Variants in ACTL8 observed in about 807,000 individuals in gnomAD.
The protein encoded by ACTL8 is actin like 8.
A neutral mutation model predicts 9.3 loss-of-function variants in ACTL8; 3 were observed. The ratio of observed to expected loss-of-function variants is 0.32; its 90% CI spans 0.15 to 0.83. The LOEUF is 0.83. ACTL8 is among the 40% of genes least tolerant of loss of function. The pLI is 0.57. For missense variants in ACTL8, 381 were observed against 492.2 expected (o/e 0.77, Z 2.14); for synonymous variants, 224 against 205.9 (o/e 1.09, Z -0.75).
chr1:17,802,023 G>A (rs188267258), intron 1 of ACTL8, among the ~76,000 whole-genome samples: 2 of 152,292 alleles, frequency 1.3e-5, no homozygotes, highest in East Asian at 1.9e-4. Flanking sequence ...CTGCTAATTC[G>A]TATACCTCTA....
chr1:17,768,809 T>C (rs953828982), intron 1 of ACTL8, among the ~76,000 whole-genome samples: 2 of 151,490 alleles, frequency 1.3e-5, no homozygotes, highest in African/African-American at 4.9e-5. Flanking sequence ...TGCTAGGGAG[T>C]GGGGAGTGAG....
At chr1:17,800,108 A>G (rs1269454322) in intron 1 of ACTL8, among the ~76,000 whole-genome samples, 11 of 152,190 alleles carry the variant, frequency 7.2e-5, no homozygotes, top group Admixed American at 7.2e-4. Flanking sequence ...TATTGACCAT[A>G]TTCTCTAAAA....
chr1:17,757,377 G>A (rs533176438), intron 1 of ACTL8, among the ~76,000 whole-genome samples: 1 of 152,266 alleles, frequency 6.6e-6, no homozygotes, highest in South Asian at 2.1e-4. Flanking sequence ...ACAAATTAGG[G>A]CATGAATCGT....
intron 1 of ACTL8, among the ~76,000 whole-genome samples, chr1:17,764,975 C>A (rs2066033819): frequency 6.6e-6 from 1 of 152,216 alleles, no homozygotes; most frequent in African/African-American, 2.4e-5. Context: ...ATGTTGGAAT[C>A]CACCCAGGTA....
intron 1 of ACTL8, among the ~76,000 whole-genome samples, chr1:17,802,424 C>CGTGTGTGTGTGTGTGTGTGTGTGT (rs72387933): frequency 5.8e-4 from 85 of 146,690 alleles, no homozygotes; most frequent in African/African-American, 2.0e-3. Context: ...ACTGTGCGTG[C>CGTGTGTGTGTGTGTGTGTGTGTGT]GTGTGTGTGT....
chr1:17,766,848 A>G (rs2066048100), intron 1 of ACTL8, among the ~76,000 whole-genome samples: 1 of 152,152 alleles, frequency 6.6e-6, no homozygotes, highest in South Asian at 2.1e-4. Context: ...TCATTTGTTC[A>G]TTCATTCCTA....
At chr1:17,812,850 C>T (rs1327646363) in intron 1 of ACTL8, among the ~76,000 whole-genome samples, 1 of 152,088 alleles carries the variant, frequency 6.6e-6, no homozygotes, top group African/African-American at 2.4e-5. Flanking sequence ...GTTTTAAGCA[C>T]ATTTAATGTT....
chr1:17,779,860 T>G (rs1044253545), intron 1 of ACTL8, among the ~76,000 whole-genome samples: 2 of 152,176 alleles, frequency 1.3e-5, no homozygotes, highest in Non-Finnish European at 2.9e-5. Flanking sequence ...GAGGGAGACC[T>G]GGCTAGGGGT....
At chr1:17,781,304 G>A (rs1211694959) in intron 1 of ACTL8, among the ~76,000 whole-genome samples, 3 of 150,274 alleles carry the variant, frequency 2.0e-5, no homozygotes, top group African/African-American at 7.4e-5. Context: ...ACACTGGTGC[G>A]ATCTCAGCTT....
At chr1:17,802,998 A>G (rs929167625) in intron 1 of ACTL8, among the ~76,000 whole-genome samples, 1 of 152,160 alleles carries the variant, frequency 6.6e-6, no homozygotes, top group Non-Finnish European at 1.5e-5. Context: ...TAAAAATAAA[A>G]TAACAAACAG....
chr1:17,810,319 A>G (rs181844347), intron 1 of ACTL8, among the ~76,000 whole-genome samples: 7 of 152,328 alleles, frequency 4.6e-5, no homozygotes, highest in South Asian at 4.1e-4. Context: ...CACCTTTTCT[A>G]TCGACACATG....
chr1:17,826,148 T>A lies in ACTL8; in HGVS notation c.730T>A (p.Ser244Thr). ...CAACACCTATCAGCTCCCAGACGGC[T>A]CCCGCGTGGAGCTGACCCCCATGCA... ...ESNTYQLPDG[S>T]RVELTPMQRV... Residue 244 changes from serine to threonine, a missense_variant, in exon 3 of 3, where the codon TCC becomes ACC. Ser to Thr is a moderately conservative substitution (Grantham distance 58, BLOSUM62 1). Transcript: ENST00000375406. The surrounding 1 kb of genome is among the most constrained non-coding windows in gnomAD (Gnocchi z 4.5). 6.2e-7 allele frequency: 1 copy of A among 1,611,838 alleles called. No individual in the cohort carries two copies.
At chr1:17,814,608 C>G (rs550594651) in intron 1 of ACTL8, among the ~76,000 whole-genome samples, 70 of 151,870 alleles carry the variant, frequency 4.6e-4, no homozygotes, top group African/African-American at 1.7e-3. Flanking sequence ...CACGCAGTAC[C>G]AGTTCATAGC....
rs141745822 is a variant in ACTL8, at chr1:17,810,560, T to G, written c.-24-12425T>G. Among the ~76,000 whole-genome samples the G allele has an allele frequency of 2.6e-4, 40 of 152,338 alleles. No homozygotes were observed. In the East Asian group the frequency reaches 7.7e-3, roughly 29 times the overall value. On this transcript the variant is annotated intron_variant, in intron 1 of 2. Coordinates refer to ENST00000375406, the MANE Select transcript of ACTL8 (RefSeq NM_030812.3). Reference sequence around the variant, plus strand: ...AAATGTCATGTGGCGAGACTCGCTTTTTTTGATGTATAGTTCTCAGTTCTG... The same window carrying G: ...AAATGTCATGTGGCGAGACTCGCTTGTTTTGATGTATAGTTCTCAGTTCTG...
intron 1 of ACTL8, among the ~76,000 whole-genome samples, chr1:17,759,527 G>A (rs1248917047): frequency 6.6e-6 from 1 of 152,344 alleles, no homozygotes; most frequent in African/African-American, 2.4e-5. Context: ...TTCTGCTGGT[G>A]TGCACCAGAC....
chr1:17,798,598 C>T (rs1014795986), intron 1 of ACTL8, among the ~76,000 whole-genome samples: 1 of 152,182 alleles, frequency 6.6e-6, no homozygotes, highest in African/African-American at 2.4e-5. Flanking sequence ...CTAATTTCTA[C>T]CAGGATGATT....
In ACTL8 at chr1:17,814,814, C is replaced by T. The variant is rs369497368; in HGVS notation, c.-24-8171C>T. On this transcript the variant is annotated intron_variant, in intron 1 of 2. Transcript: ENST00000375406. The stretch of plus-strand genomic sequence containing the variant: ...TATTCAGTACAATAACATGCCGTAC[C>T]GGTTTGTAGCATAGCAAGACTCCAT... Among the ~76,000 whole-genome samples, 26 of 152,230 alleles carry T rather than the reference C, an allele frequency of 1.7e-4. No individual in the cohort carries two copies. In the South Asian group the frequency reaches 4.4e-3, roughly 25 times the overall value.
chr1:17,816,200 C>CT (rs34383884), intron 1 of ACTL8, among the ~76,000 whole-genome samples: 55,110 of 139,596 alleles, frequency 0.39, 11,369 homozygotes, highest in Middle Eastern at 0.57. Flanking sequence ...ATATTAATAG[C>CT]TTTTTTTTTT....
chr1:17,823,283 A>G lies in ACTL8; in HGVS notation c.275A>G (p.Glu92Gly). Residue 92 changes from glutamate to glycine, a missense_variant, in exon 2 of 3, where the codon GAG becomes GGG. Coordinates refer to ENST00000375406, the MANE Select transcript of ACTL8 (RefSeq NM_030812.3). This position sits in a 1 kb window ranked among gnomAD's most constrained non-coding sequence, Gnocchi z 5.3. Reference protein sequence around the residue: ...WSFVLENHRREQEVPPVIITE... With the variant: ...WSFVLENHRRGQEVPPVIITE... ...TTTGTGTTGGAGAACCACAGACGGG[A>G]GCAAGAGGTCCCCCCTGTGATCATC... 6.2e-7 allele frequency: 1 copy of G among 1,614,102 alleles called. No homozygotes were observed. Among genetic ancestry groups the G allele is most frequent in the Non-Finnish European group, 8.5e-7 (1 of 1,180,020 alleles).
Sources: allele counts gnomAD v4.1 joint callset (sites outside exome capture counted in the v4.1 genomes callset), GRCh38; gene constraint gnomAD v4.1.1; non-coding constraint Gnocchi (gnomAD v3.1); transcripts MANE v1.5; gene names NCBI Gene and HGNC (gene_info 2026-07-23, HGNC 2026-07-21).